The following ENDOV variants were observed in gnomAD, a reference collection of about 807,000 sequenced individuals.
The protein encoded by ENDOV is hEndoV.
In ENDOV, 37 loss-of-function variants were observed where a neutral mutation model predicts 39.4. The ratio of observed to expected loss-of-function variants is 0.94; its 90% confidence interval spans 0.72 to 1.23. The LOEUF (loss-of-function observed/expected upper bound fraction) is 1.23. ENDOV is among the 50% of genes most tolerant of loss of function. ENDOV has a pLI of 0.00. For missense variants in ENDOV, 441 were observed against 375.7 expected (o/e 1.17, Z -1.44); for synonymous variants, 186 against 163.4 (o/e 1.14, Z -1.05).
chr17:80,419,369 G>A (rs976562979), intron 2 of ENDOV: 12 of 523,884 alleles, frequency 2.3e-5, no homozygotes, highest in East Asian at 8.9e-5. Flanking sequence ...AAACGATGGC[G>A]GAGCCCGTTC....
rs377061973 is a variant in ENDOV, at chr17:80,425,531, A to G, written c.625A>G (p.Ile209Val). 6.3e-6 allele frequency: 10 copies of G among 1,596,616 alleles called. No individual in the cohort carries two copies. The highest frequency in any genetic ancestry group is 1.9e-4 in the Middle Eastern group (1 of 5,282). The part of the protein sequence containing the change: ...SHDRSTRPLY[I>V]SVGHRMSLEA... The stretch of plus-strand genomic sequence containing the variant: ...CGACCGCAGCACCAGGCCCCTCTAC[A>G]TCTCCGTGGGCCACAGGATGAGCCT... Residue 209 changes from isoleucine (I) to valine (V), a missense_variant, in exon 7 of 10, where the codon ATC becomes GTC. Ile to Val is a conservative substitution (Grantham distance 29). Coordinates refer to ENST00000518137, the MANE Select transcript of ENDOV (RefSeq NM_173627.5).
rs181003790 is a variant in ENDOV at position 80,424,069 on chromosome 17, A to G, written c.516+437A>G. ...CCGCCAAGACCTGCCTGGAGCTGCCACCCACACTCTTCCTACCTCACCTTC... is the reference window on the plus strand; with the variant it reads ...CCGCCAAGACCTGCCTGGAGCTGCCGCCCACACTCTTCCTACCTCACCTTC... On this transcript the variant is annotated intron_variant, in intron 5 of 9. Coordinates refer to ENST00000518137, the MANE Select transcript of ENDOV (RefSeq NM_173627.5). The G allele has an allele frequency of 6.2e-3, 1,471 of 236,254 alleles. 7 individuals carry two copies. Among genetic ancestry groups the G allele is most frequent in the Non-Finnish European group, 5.3e-3 (669 of 127,228 alleles). The allele number at this position is 236,254 out of a possible 1,614,324, so 14.6% of individuals were successfully genotyped here. A position where few individuals can be genotyped will look rare whatever the true frequency, so the allele number is the denominator to read the frequency against.
intron 6 of ENDOV, 161 bp from the exon 7 acceptor site, chr17:80,425,331 G>A (rs1347233692): frequency 5.4e-6 from 6 of 1,111,652 alleles, no homozygotes; most frequent in Non-Finnish European, 7.5e-6. Context: ...GCAGCAGGAA[G>A]GCGCCCTGAG....
intron 9 of ENDOV, among the ~76,000 whole-genome samples, chr17:80,435,817 C>T (rs543477346): frequency 2.8e-4 from 43 of 151,914 alleles, no homozygotes; most frequent in African/African-American, 7.5e-4. Context: ...GGGGTTTCAC[C>T]GTGTTAGCCA....
At chr17:80,425,162 A>G in intron 6 of ENDOV, 62 bp downstream of exon 6, 5 of 1,430,458 alleles carry the variant, frequency 3.5e-6, no homozygotes, top group Middle Eastern at 1.9e-4. Context: ...TTGCAGGCAG[A>G]CACAGGTGCA....
intron 2 of ENDOV, chr17:80,418,916 A>T (rs2081561675): frequency 1.3e-5 from 2 of 152,226 alleles, no homozygotes; most frequent in African/African-American, 4.8e-5. Flanking sequence ...TCATGCCTGT[A>T]ATCCCAGCAC....
intron 9 of ENDOV, among the ~76,000 whole-genome samples, chr17:80,430,837 CTG>C (rs781053795): frequency 9.9e-5 from 15 of 152,244 alleles, no homozygotes; most frequent in African/African-American, 1.4e-4. Context: ...AGCCTCAAAA[CTG>C]TCTCCACTGT....
rs1337352926 is a variant in ENDOV at position 80,415,261 on chromosome 17, C to G, written c.56+11C>G. Reference sequence around the variant, plus strand: ...GTCACTGTGGAAACGGTAATGCTGTCAGGCGACGCGCAGGAGGCGGGGGCC... The same window carrying G: ...GTCACTGTGGAAACGGTAATGCTGTGAGGCGACGCGCAGGAGGCGGGGGCC... On this transcript the variant is annotated intron_variant, in intron 1 of 9. Transcript: ENST00000518137. 5.0e-6 allele frequency: 8 copies of G among 1,613,028 alleles called. No individual in the cohort carries two copies. In the East Asian group the frequency reaches 1.1e-4, roughly 22 times the overall value.
intron 2 of ENDOV, chr17:80,416,820 GCTCA>G (rs2081275303): frequency 6.6e-6 from 1 of 151,402 alleles, no homozygotes; most frequent in Admixed American, 6.6e-5. Context: ...CATAATCTTG[GCTCA>G]CTGTCAAGAT....
intron 9 of ENDOV, chr17:80,433,113 C>G: frequency 3.8e-6 from 2 of 520,086 alleles, no homozygotes; most frequent in Middle Eastern, 3.2e-4. Context: ...GTCCAGAGCT[C>G]CGGGAGCACA....
chr17:80,425,233 C>T, intron 6 of ENDOV, 133 bp downstream of exon 6: 1 of 882,354 alleles, frequency 1.1e-6, no homozygotes, highest in South Asian at 1.7e-5. Flanking sequence ...GTCCATCCAT[C>T]CTCCTGCCTC....
intron 4 of ENDOV, among the ~76,000 whole-genome samples, chr17:80,422,793 G>A (rs536340201): frequency 4.6e-4 from 70 of 152,128 alleles, no homozygotes; most frequent in African/African-American, 1.5e-3. Context: ...TCCGCCTCCC[G>A]GGTTCATGCC....
intron 2 of ENDOV, chr17:80,417,310 T>C (rs927870952): frequency 2.0e-5 from 3 of 152,280 alleles, no homozygotes; most frequent in African/African-American, 7.2e-5. Context: ...AGGGTTTCCA[T>C]CTGGCTAACT....
chr17:80,421,739 A>G (rs1599356138), intron 2 of ENDOV, 89 bp from the exon 3 acceptor site: 3 of 1,491,430 alleles, frequency 2.0e-6, no homozygotes, highest in Non-Finnish European at 2.7e-6. Flanking sequence ...GGGAGAGGGA[A>G]GGATGAGGGG....
At position 80,422,230 on chromosome 17, in the gene ENDOV, G is replaced by A; in HGVS notation, c.388G>A (p.Val130Ile). 3 of 1,613,706 alleles carry A rather than the reference G, an allele frequency of 1.9e-6. No homozygotes were observed. Among genetic ancestry groups the A allele is most frequent in the South Asian group, 2.2e-5 (2 of 91,032 alleles). ...GGTCCTTCTTGTGGATGGAAACGGG[G>A]TACTCCACCACCGAGGTAATCCTGC... ...PQVLLVDGNG[V>I]LHHRGFGVAC... is the part of the protein sequence containing the mutation. The change falls in exon 4 of 10, where the codon GTA becomes ATA. Residue 130 changes from valine to isoleucine, a missense_variant. Val to Ile is a conservative substitution (Grantham distance 29, BLOSUM62 3). Transcript: ENST00000518137.
intron 5 of ENDOV, among the ~76,000 whole-genome samples, chr17:80,424,624 C>G (rs926279649): frequency 6.6e-6 from 1 of 152,146 alleles, no homozygotes; most frequent in African/African-American, 2.4e-5. Context: ...AAGATCAGTC[C>G]CCTTCCCTTT....
At chr17:80,420,698 T>C (rs981309916) in intron 2 of ENDOV, among the ~76,000 whole-genome samples, 6 of 152,164 alleles carry the variant, frequency 3.9e-5, no homozygotes, top group African/African-American at 1.2e-4. Flanking sequence ...AAGGGCAGTG[T>C]GACTAAGGAA....
At position 80,436,584 on chromosome 17, in the gene ENDOV, A is replaced by G. The variant is rs2145162150; in HGVS notation, c.*441A>G. 3.5e-6 allele frequency: 1 copy of G among 283,344 alleles called. No homozygotes were observed. The highest frequency in any genetic ancestry group is 6.7e-6 in the Non-Finnish European group (1 of 148,742). The allele number at this position is 283,344 out of a possible 1,614,324, so 17.6% of individuals were successfully genotyped here. ...TACATTGATTGATTTTCATATGTTG[A>G]GCCAGTTTCCATTTGTGGAATACAT... On this transcript the variant is annotated 3_prime_UTR_variant, in exon 10 of 10. Coordinates refer to ENST00000518137, the MANE Select transcript of ENDOV (RefSeq NM_173627.5).
intron 6 of ENDOV, 57 bp downstream of exon 6, chr17:80,425,157 GGCAGACACAGGTGCAT>G: frequency 1.4e-6 from 2 of 1,456,516 alleles, no homozygotes; most frequent in Non-Finnish European, 1.9e-6. Context: ...ATCCTTTGCA[GGCAGACACAGGTGCAT>G]GCAGACACGC....
Sources: allele counts gnomAD v4.1 joint callset (sites outside exome capture counted in the v4.1 genomes callset), GRCh38; gene constraint gnomAD v4.1.1; transcripts MANE v1.5; gene names NCBI Gene and HGNC (gene_info 2026-07-23, HGNC 2026-07-21).